The following ANKRD30A variants were observed in gnomAD, a reference collection of about 807,000 sequenced individuals.
ANKRD30A encodes the protein ankyrin repeat domain 30A, also known as ankyrin repeat domain-containing protein 30A.
Under a neutral mutation model 166.3 loss-of-function variants are expected in ANKRD30A, and 170 were observed. That is an observed-to-expected ratio of 1.02 (90% confidence interval 0.90 to 1.16). ANKRD30A has a LOEUF of 1.16. Among genes scored for constraint, ANKRD30A ranks in the 50% most tolerant of loss-of-function variants. ANKRD30A has a pLI of 0.00. For missense variants in ANKRD30A, 1,630 were observed against 1,518.0 expected, an observed-to-expected ratio of 1.07 and a Z score of -1.23; for synonymous variants, 564 against 508.9, an observed-to-expected ratio of 1.11 and a Z score of -1.46.
At chr10:37,265,134 CTG>C in the ANKRD30A span, among the ~76,000 whole-genome samples, 1 of 152,196 alleles carries the variant, frequency 6.6e-6, no homozygotes, top group Admixed American at 6.5e-5. Context: ...ACTAGAAAGA[CTG>C]AGATTAAAGG....
At chr10:37,202,599 C>A (rs1841714009) in intron 31 of ANKRD30A, among the ~76,000 whole-genome samples, 4 of 152,074 alleles carry the variant, frequency 2.6e-5, no homozygotes, top group Admixed American at 2.6e-4. Context: ...AGAGCAAACA[C>A]ATTCAAAAGC....
intron 6 of ANKRD30A, among the ~76,000 whole-genome samples, chr10:37,138,922 T>C (rs910550078): frequency 6.6e-6 from 1 of 152,088 alleles, no homozygotes; most frequent in East Asian, 1.9e-4. Context: ...AGACACATAA[T>C]TGGCAGATTC....
intron 17 of ANKRD30A, 117 bp from the exon 18 acceptor site, chr10:37,164,977 A>T (rs1839196225): frequency 3.7e-6 from 4 of 1,093,052 alleles, no homozygotes; most frequent in Non-Finnish European, 5.5e-6. Flanking sequence ...CAAAAAGAAC[A>T]TATGGGCCAC....
chr10:37,143,593 G>T (rs1208984082), intron 7 of ANKRD30A, among the ~76,000 whole-genome samples: 1 of 151,954 alleles, frequency 6.6e-6, no homozygotes, highest in African/African-American at 2.4e-5. Flanking sequence ...GGCAGAGGTT[G>T]CAGTGAGCTG....
chr10:37,225,401 T>C (rs1000242244), intron 34 of ANKRD30A, among the ~76,000 whole-genome samples: 3 of 151,784 alleles, frequency 2.0e-5, no homozygotes, highest in Non-Finnish European at 1.5e-5. Flanking sequence ...CCTGCAGATA[T>C]AAGAAGCTTT....
At chr10:37,232,654 T>TTATATACATATATATATATATATATATA (rs1843467444), downstream of ANKRD30A, 1 of 54,214 alleles carries the variant, frequency 1.8e-5, no homozygotes, top group Non-Finnish European at 3.5e-5. Flanking sequence ...AGCATTGGTT[T>TTATATACATATATATATATATATATATA]TATATATATA....
intron 31 of ANKRD30A, among the ~76,000 whole-genome samples, chr10:37,209,807 T>G (rs550800919): frequency 6.6e-6 from 1 of 152,116 alleles, no homozygotes; most frequent in African/African-American, 2.4e-5. Flanking sequence ...AGGTTAACTA[T>G]TTTTTCTTGA....
chr10:37,161,223 G>T lies in ANKRD30A; in HGVS notation c.1901-1426G>T, dbSNP rs191322472. Among the ~76,000 whole-genome samples, 19 of 152,322 alleles carry T rather than the reference G, an allele frequency of 1.2e-4. No individual in the cohort carries two copies. In the East Asian group the frequency reaches 3.1e-3, roughly 25 times the overall value. ...GGCCTTTCATGGGAAAATAGTGGAA[G>T]AAGAGCAGTTGGATAGAAGGTCAAG... On this transcript the variant is annotated intron_variant, in intron 15 of 35. Coordinates refer to ENST00000361713, the MANE Select transcript of ANKRD30A (RefSeq NM_052997.3).
At chr10:37,210,494 G>A (rs985947264) in intron 31 of ANKRD30A, among the ~76,000 whole-genome samples, 5 of 152,090 alleles carry the variant, frequency 3.3e-5, no homozygotes, top group African/African-American at 9.6e-5. Context: ...TAATGGGATC[G>A]CTGGGTCAAA....
chr10:37,164,887 C>G (rs1215403740), intron 17 of ANKRD30A, among the ~76,000 whole-genome samples: 2 of 152,002 alleles, frequency 1.3e-5, no homozygotes, highest in Non-Finnish European at 2.9e-5. Flanking sequence ...TTTCTGCATT[C>G]TAATGACATA....
intron 27 of ANKRD30A, 135 bp from the exon 28 acceptor site, chr10:37,197,145 AG>A: frequency 7.8e-7 from 1 of 1,281,482 alleles, no homozygotes; most frequent in Non-Finnish European, 1.1e-6. Flanking sequence ...ACAAACCAAA[AG>A]AAAACTTTCC....
Position 37,163,086 on chromosome 10 carries a change from G to A in ANKRD30A, c.2002+238G>A, listed in dbSNP as rs553350890. On this transcript the variant is annotated intron_variant, in intron 17 of 35. Coordinates refer to ENST00000361713, the MANE Select transcript of ANKRD30A (RefSeq NM_052997.3). ...GTTTCTACTTTTGTATCCTGAAACT[G>A]TAATGTTTTCTATTTTGAACTTCTG... 7.9e-5 allele frequency among the ~76,000 whole-genome samples: 12 copies of A among 151,788 alleles called. 1 individual carries two copies. Among genetic ancestry groups the A allele is most frequent in the African/African-American group, 2.9e-4 (12 of 41,384 alleles).
chr10:37,225,483 A>T (rs983809251), intron 34 of ANKRD30A, among the ~76,000 whole-genome samples: 3 of 151,846 alleles, frequency 2.0e-5, no homozygotes, highest in Non-Finnish European at 4.4e-5. Context: ...TTTTAAAACC[A>T]GTCTACTTGA....
downstream of ANKRD30A, chr10:37,232,667 T>TATATATATATATATATAA (rs1843472840): frequency 1.8e-4 from 1 of 5,672 alleles, no homozygotes; most frequent in Non-Finnish European, 1.5e-3. Flanking sequence ...TATATATATA[T>TATATATATATATATATAA]ATATATATAT....
the ANKRD30A span, among the ~76,000 whole-genome samples, chr10:37,244,134 G>GCTT: frequency 2.6e-5 from 4 of 152,272 alleles, no homozygotes; most frequent in African/African-American, 9.6e-5. Flanking sequence ...GATGGCAGGA[G>GCTT]CTTCTCCTGG....
At chr10:37,201,411 A>C in intron 31 of ANKRD30A, 86 bp downstream of exon 31, 1 of 1,022,500 alleles carries the variant, frequency 9.8e-7, no homozygotes, top group Non-Finnish European at 1.4e-6. Flanking sequence ...TAGCTGAAGA[A>C]AATTACCTCC....
At chr10:37,189,946 G>T (rs1025239687) in intron 25 of ANKRD30A, among the ~76,000 whole-genome samples, 1 of 151,920 alleles carries the variant, frequency 6.6e-6, no homozygotes, top group Non-Finnish European at 1.5e-5. Context: ...GATCGGGTAT[G>T]GTTAGAAATT....
the ANKRD30A span, among the ~76,000 whole-genome samples, chr10:37,254,832 G>A: frequency 2.6e-4 from 40 of 151,718 alleles, no homozygotes; most frequent in East Asian, 7.6e-3. Context: ...ACAGGTGCCC[G>A]CCACCACACC....
chr10:37,149,511 C>T (rs903537222), intron 9 of ANKRD30A, 140 bp from the exon 10 acceptor site: 26 of 1,066,160 alleles, frequency 2.4e-5, no homozygotes, highest in Admixed American at 1.2e-4. Flanking sequence ...CCTAAACAAA[C>T]CAAAAGAAAA....
Sources: allele counts gnomAD v4.1 joint callset (sites outside exome capture counted in the v4.1 genomes callset), GRCh38; gene constraint gnomAD v4.1.1; transcripts MANE v1.5; gene names NCBI Gene and HGNC (gene_info 2026-07-23, HGNC 2026-07-21).